PDGFRL: variants seen among roughly 807,000 people sequenced by gnomAD.
PDGFRL encodes the protein platelet derived growth factor receptor like.
PDGFRL carries 46 observed loss-of-function variants against 37.2 expected under a neutral mutation model. That is an observed-to-expected ratio of 1.24 (90% CI 0.98 to 1.58). The LOEUF (loss-of-function observed/expected upper bound fraction) is 1.58, where lower values mean the gene tolerates loss of function less well. PDGFRL is among the 40% of genes most tolerant of loss of function. The pLI is 0.00. For missense variants in PDGFRL, 692 were observed against 467.6 expected, an observed-to-expected ratio of 1.48 and a Z score of -4.43; for synonymous variants, 251 against 184.3, an observed-to-expected ratio of 1.36 and a Z score of -2.93.
chr8:17,635,534 G>A (rs1456325391), intron 5 of PDGFRL, among the ~76,000 whole-genome samples: 3 of 152,126 alleles, frequency 2.0e-5, no homozygotes, highest in Admixed American at 6.5e-5. Context: ...TGATTGATGG[G>A]CATTTGAGCT....
chr8:17,596,965 T>G (rs2246480), intron 2 of PDGFRL, among the ~76,000 whole-genome samples: 1 of 152,154 alleles, frequency 6.6e-6, no homozygotes, highest in Admixed American at 6.5e-5. Flanking sequence ...GCTATGACAG[T>G]GTTGGGTTTG....
intron 2 of PDGFRL, among the ~76,000 whole-genome samples, chr8:17,603,712 A>G (rs1804212880): frequency 6.6e-6 from 1 of 152,220 alleles, no homozygotes; most frequent in Non-Finnish European, 1.5e-5. Flanking sequence ...AAAATAGATA[A>G]AATCTCTATA....
At chr8:17,640,643 A>G (rs1040943379) in intron 5 of PDGFRL, among the ~76,000 whole-genome samples, 1 of 152,162 alleles carries the variant, frequency 6.6e-6, no homozygotes, top group African/African-American at 2.4e-5. Flanking sequence ...TCTCTCAGCC[A>G]TGGATGCCAG....
chr8:17,589,390 A>G, intron 1 of PDGFRL, 78 bp from the exon 2 acceptor site: 1 of 1,154,668 alleles, frequency 8.7e-7, no homozygotes, highest in South Asian at 1.5e-5. Flanking sequence ...TGTCTCAAAA[A>G]AAAAAAAAAG....
intron 3 of PDGFRL, among the ~76,000 whole-genome samples, chr8:17,623,600 G>A (rs1804676374): frequency 6.6e-6 from 1 of 152,134 alleles, no homozygotes; most frequent in South Asian, 2.1e-4. Context: ...TCTTGGCCAG[G>A]CATGGTAGCT....
intron 1 of PDGFRL, among the ~76,000 whole-genome samples, chr8:17,585,547 G>A (rs1324411952): frequency 6.6e-6 from 1 of 152,122 alleles, no homozygotes; most frequent in African/African-American, 2.4e-5. Context: ...CATGAAAAAT[G>A]GAAAAATGAG....
rs569126511 is a variant in PDGFRL, at chr8:17,580,581, G to A, written c.55+3274G>A. On this transcript the variant is annotated intron_variant, in intron 1 of 5. Transcript: ENST00000251630. ...AAGGTTTTAAAACCCTTTCTTTGTGGTGCTCAATGAAGGGAGAGGAAAGAT... is the reference window on the plus strand; with the variant it reads ...AAGGTTTTAAAACCCTTTCTTTGTGATGCTCAATGAAGGGAGAGGAAAGAT... Among the ~76,000 whole-genome samples the A allele has an allele frequency of 2.0e-5, 3 of 152,192 alleles. No individual in the cohort carries two copies. The South Asian group carries it at 6.2e-4, about 32-fold the overall frequency.
At chr8:17,603,347 A>C (rs577345471) in intron 2 of PDGFRL, among the ~76,000 whole-genome samples, 2 of 152,318 alleles carry the variant, frequency 1.3e-5, no homozygotes, top group Non-Finnish European at 2.9e-5. Context: ...CCACACAGGG[A>C]CAAATTTATT....
intron 5 of PDGFRL, among the ~76,000 whole-genome samples, chr8:17,640,676 A>AG (rs750084819): frequency 2.6e-5 from 4 of 152,144 alleles, no homozygotes; most frequent in Non-Finnish European, 4.4e-5. Context: ...TGGAGGTGGC[A>AG]GGGGAGTGAA....
intron 4 of PDGFRL, among the ~76,000 whole-genome samples, chr8:17,629,935 T>A (rs1804827221): frequency 6.6e-6 from 1 of 151,976 alleles, no homozygotes; most frequent in Non-Finnish European, 1.5e-5. Flanking sequence ...AGATCCTGGG[T>A]CCCACCACAT....
Position 17,589,288 on chromosome 8 carries a change from A to G in PDGFRL, c.56-180A>G, listed in dbSNP as rs373571355. On this transcript the variant is annotated intron_variant, in intron 1 of 5. Transcript: ENST00000251630. The stretch of plus-strand genomic sequence containing the variant: ...GTAATCTCAGCTACTCAGGGTGCTC[A>G]GGCAAGAGAATCACTTGAACCTGGG... Among the ~76,000 whole-genome samples the G allele has an allele frequency of 4.3e-4, 65 of 152,242 alleles. 1 individual carries two copies. The highest frequency in any genetic ancestry group is 1.3e-3 in the African/African-American group (56 of 41,550).
intron 4 of PDGFRL, among the ~76,000 whole-genome samples, chr8:17,631,271 A>G (rs764660184): frequency 3.9e-5 from 6 of 152,048 alleles, no homozygotes; most frequent in Non-Finnish European, 8.8e-5. Context: ...TAGTCCCTCA[A>G]AGGTGACTTT....
At chr8:17,611,092 G>A (rs141617989) in intron 2 of PDGFRL, among the ~76,000 whole-genome samples, 441 of 152,316 alleles carry the variant, frequency 2.9e-3, no homozygotes, top group African/African-American at 0.01. Flanking sequence ...TGGGAGGCAT[G>A]CCAAACTCTC....
At chr8:17,638,531 CG>C (rs1805019564) in intron 5 of PDGFRL, among the ~76,000 whole-genome samples, 1 of 151,138 alleles carries the variant, frequency 6.6e-6, no homozygotes, top group Non-Finnish European at 1.5e-5. Context: ...GTTGTTGGGT[CG>C]AATGTTCTAC....
intron 5 of PDGFRL, among the ~76,000 whole-genome samples, chr8:17,639,522 C>T (rs1563532942): frequency 6.6e-6 from 1 of 152,096 alleles, no homozygotes; most frequent in African/African-American, 2.4e-5. Flanking sequence ...CTGTATCTCT[C>T]CTTCATTTAT....
chr8:17,632,809 C>T (rs1585334565), intron 4 of PDGFRL, among the ~76,000 whole-genome samples: 1 of 152,158 alleles, frequency 6.6e-6, no homozygotes, highest in Non-Finnish European at 1.5e-5. Context: ...GCCACTGCCT[C>T]TCACCCAGGG....
intron 3 of PDGFRL, among the ~76,000 whole-genome samples, chr8:17,627,728 G>A (rs1020944153): frequency 2.6e-5 from 4 of 151,356 alleles, no homozygotes; most frequent in Admixed American, 6.6e-5. Context: ...CACCCGCCTC[G>A]GCCTCCCAAA....
In PDGFRL at chr8:17,601,473, T is replaced by C. The variant is rs1445213685; in HGVS notation, c.353+11708T>C. Among the ~76,000 whole-genome samples, 16 of 151,888 alleles carry C rather than the reference T, an allele frequency of 1.1e-4. No individual in the cohort carries two copies. The East Asian group carries it at 1.4e-3, about 13-fold the overall frequency. On this transcript the variant is annotated intron_variant, in intron 2 of 5. Transcript: ENST00000251630. ...CGTTTTTGTTTTTTTTTTTTTCCTC[T>C]TTCTAACTTTTAGGTTGAGCGTGTA...
chr8:17,628,730 C>G lies in PDGFRL; in HGVS notation c.749C>G (p.Ala250Gly). 6.2e-7 allele frequency: 1 copy of G among 1,614,042 alleles called. No individual in the cohort carries two copies. Among genetic ancestry groups the G allele is most frequent in the Non-Finnish European group, 8.5e-7 (1 of 1,179,890 alleles). ...HQGVVYCRAE[A>G]GGRSQISVKY... is the part of the protein sequence containing the mutation. ...GGTGTGGTTTACTGCAGGGCGGAGG[C>G]CGGGGGCAGATCTCAGATCTCCGTC... Residue 250 changes from alanine (A) to glycine (G), a missense_variant, in exon 4 of 6, where the codon GCC (alanine) becomes GGC (glycine). Ala to Gly is a moderately conservative substitution (Grantham distance 60, BLOSUM62 0). Transcript: ENST00000251630.
Sources: allele counts gnomAD v4.1 joint callset (sites outside exome capture counted in the v4.1 genomes callset), GRCh38; gene constraint gnomAD v4.1.1; transcripts MANE v1.5; gene names NCBI Gene and HGNC (gene_info 2026-07-23, HGNC 2026-07-21).